EDEM3: variants seen among roughly 807,000 people sequenced by gnomAD.
EDEM3 encodes ER degradation-enhancing alpha-mannosidase-like protein 3.
A neutral mutation model predicts 110.2 loss-of-function variants in EDEM3; 60 were observed. The observed-to-expected ratio is 0.54, with a 90% CI of 0.44 to 0.67. The LOEUF (loss-of-function observed/expected upper bound fraction) is 0.67, where lower values mean the gene tolerates loss of function less well. Ranked by LOEUF, EDEM3 falls within the 30% of genes least tolerant of loss-of-function variation. The pLI, the probability that EDEM3 is intolerant of heterozygous loss-of-function variation, is 0.00. For synonymous variants in EDEM3, 352 were observed against 382.9 expected, an observed-to-expected ratio of 0.92 and a Z score of 0.94; for missense variants, 996 against 1,121.0, an observed-to-expected ratio of 0.89 and a Z score of 1.59.
intron 13 of EDEM3, among the ~76,000 whole-genome samples, chr1:184,715,637 C>A (rs1226448658): frequency 2.0e-5 from 3 of 152,152 alleles, no homozygotes. Context: ...TCCCTAACTT[C>A]TCTTTCCCTT....
rs780949026 is a variant in EDEM3 at position 184,710,567 on chromosome 1, G to A, written c.1692-20C>T. ...TCCTCTCTGCTAAAAGTAATTACAG[G>A]CAAGGCTTAAAAAACTATAAATTAG... On this transcript the variant is annotated intron_variant, in intron 15 of 19. Transcript: ENST00000318130. 3.2e-6 allele frequency: 5 copies of A among 1,571,948 alleles called. No homozygotes were observed. In the South Asian group the frequency reaches 4.8e-5, roughly 15 times the overall value.
At chr1:184,710,994 T>G (rs749504884) in intron 15 of EDEM3, among the ~76,000 whole-genome samples, 1 of 152,090 alleles carries the variant, frequency 6.6e-6, no homozygotes, top group Non-Finnish European at 1.5e-5. Flanking sequence ...AATGAACTCA[T>G]TAAGCCAATT....
chr1:184,754,835 C>T lies in EDEM3; in HGVS notation c.-189G>A. ...TCCCCAGCGCCAGCGCTGCCACCGC[C>T]CTCCGCCCTCAGTATCCCGGAGCGC... On this transcript the variant is annotated 5_prime_UTR_variant, in exon 1 of 20. Coordinates refer to ENST00000318130, the MANE Select transcript of EDEM3 (RefSeq NM_025191.4). 3 of 932,872 alleles carry T rather than the reference C, an allele frequency of 3.2e-6. No individual in the cohort carries two copies. The highest frequency in any genetic ancestry group is 3.5e-5 in the African/African-American group (2 of 56,622). 57.8% of individuals were successfully genotyped at this position (932,872 alleles called of 1,614,324 possible).
intron 2 of EDEM3, among the ~76,000 whole-genome samples, chr1:184,743,334 T>A (rs74132019): frequency 8.5e-5 from 13 of 152,262 alleles, no homozygotes; most frequent in African/African-American, 3.1e-4. Flanking sequence ...CTCTTCACAG[T>A]TTATTGTTGA....
intron 19 of EDEM3, among the ~76,000 whole-genome samples, chr1:184,702,418 A>G (rs1471214580): frequency 1.3e-5 from 2 of 152,198 alleles, no homozygotes; most frequent in Non-Finnish European, 2.9e-5. Flanking sequence ...ATGATATTGT[A>G]TACAACATTC....
Position 184,749,612 on chromosome 1 carries a change from A to G in EDEM3, c.159-20T>C. 6.9e-7 allele frequency: 1 copy of G among 1,446,850 alleles called. No individual in the cohort carries two copies. Among genetic ancestry groups the G allele is most frequent in the Non-Finnish European group, 9.3e-7 (1 of 1,079,138 alleles). The allele number at this position is 1,446,850 out of a possible 1,614,324, so 89.6% of individuals were successfully genotyped here. A position where few individuals can be genotyped will look rare whatever the true frequency, so the allele number is the denominator to read the frequency against. On this transcript the variant is annotated intron_variant, in intron 1 of 19. Coordinates refer to ENST00000318130, the MANE Select transcript of EDEM3 (RefSeq NM_025191.4). The stretch of plus-strand genomic sequence containing the variant: ...TGATTCCTAATTTTAAAAGAGCAGA[A>G]ATGGAAAAAAAAAAAAAAAAAGGTA...
intron 6 of EDEM3, among the ~76,000 whole-genome samples, chr1:184,729,898 A>G (rs12070920): frequency 1.3e-3 from 199 of 152,330 alleles, no homozygotes; most frequent in African/African-American, 4.6e-3. Flanking sequence ...TAACACCTCC[A>G]TTTATAACAA....
In EDEM3 at chr1:184,726,284, T is replaced by C. The variant is rs1384619210; in HGVS notation, c.718A>G (p.Ser240Gly). The C allele has an allele frequency of 6.2e-7, 1 of 1,613,862 alleles. No homozygotes were observed. Among genetic ancestry groups the C allele is most frequent in the South Asian group, 1.1e-5 (1 of 91,066 alleles). The change falls in exon 7 of 20, where the codon AGT becomes GGT. Residue 240 changes from serine (S) to glycine (G), a missense_variant. By Grantham distance (56) the Ser-to-Gly change is moderately conservative. Around this residue, in one of 5 missense-constraint regions of EDEM3, gnomAD observed 310 missense variants for 394.6 expected, o/e 0.79. Coordinates refer to ENST00000318130, the MANE Select transcript of EDEM3 (RefSeq NM_025191.4). ...GTLILEFAAL[S>G]RFTGATIFEE... is the part of the protein sequence containing the mutation. ...AATATTGTTGCTCCTGTGAATCGAC[T>C]TAAAGCAGCAAATTCAAGGATCAAG...
intron 6 of EDEM3, among the ~76,000 whole-genome samples, chr1:184,727,681 T>C (rs1651265477): frequency 6.6e-6 from 1 of 152,206 alleles, no homozygotes; most frequent in South Asian, 2.1e-4. Context: ...CTGTTAATGT[T>C]GTTCTCAGTA....
intron 6 of EDEM3, among the ~76,000 whole-genome samples, chr1:184,729,534 TA>T (rs1417555142): frequency 6.6e-6 from 1 of 152,186 alleles, no homozygotes; most frequent in Non-Finnish European, 1.5e-5. Context: ...TATATGAGTT[TA>T]AAAAATGACC....
At chr1:184,705,459 T>C (rs140376811) in intron 18 of EDEM3, among the ~76,000 whole-genome samples, 40 of 152,300 alleles carry the variant, frequency 2.6e-4, no homozygotes, top group African/African-American at 9.6e-4. Flanking sequence ...TCATAGACCA[T>C]ACACAAACAA....
intron 12 of EDEM3, among the ~76,000 whole-genome samples, 175 bp downstream of exon 12, chr1:184,717,365 T>C (rs1276082660): frequency 1.3e-5 from 2 of 152,052 alleles, no homozygotes; most frequent in East Asian, 3.8e-4. Context: ...ACCTTGCATG[T>C]CAATTCTTGC....
At chr1:184,742,433 C>T (rs1652196843) in intron 2 of EDEM3, among the ~76,000 whole-genome samples, 1 of 152,114 alleles carries the variant, frequency 6.6e-6, no homozygotes, top group African/African-American at 2.4e-5. Context: ...ACTCTTTCAC[C>T]CAGGCTGGAG....
intron 18 of EDEM3, among the ~76,000 whole-genome samples, chr1:184,705,855 C>A (rs180882560): frequency 1.3e-3 from 201 of 152,006 alleles, no homozygotes; most frequent in African/African-American, 4.7e-3. Context: ...ATAGTCATGG[C>A]CTGTTTATCA....
intron 11 of EDEM3, among the ~76,000 whole-genome samples, chr1:184,718,568 T>C (rs1378110146): frequency 2.0e-5 from 3 of 152,108 alleles, no homozygotes; most frequent in Non-Finnish European, 2.9e-5. Context: ...TACACACATT[T>C]GGAAATTTTT....
At chr1:184,741,891 C>T (rs955617878) in intron 2 of EDEM3, among the ~76,000 whole-genome samples, 6 of 152,130 alleles carry the variant, frequency 3.9e-5, no homozygotes, top group Non-Finnish European at 7.3e-5. Flanking sequence ...CAGTTCTATA[C>T]TCTTCTTGCA....
intron 5 of EDEM3, among the ~76,000 whole-genome samples, chr1:184,734,069 A>G (rs1356832887): frequency 6.6e-6 from 1 of 152,228 alleles, no homozygotes; most frequent in Non-Finnish European, 1.5e-5. Flanking sequence ...AGGTAATGCC[A>G]CAGACTCTGT....
chr1:184,720,098 T>G (rs1169379422), intron 9 of EDEM3, among the ~76,000 whole-genome samples: 2 of 152,236 alleles, frequency 1.3e-5, no homozygotes, highest in African/African-American at 4.8e-5. Context: ...TTCTTTTGTC[T>G]TCTTCTCCTA....
At chr1:184,713,118 T>TAG (rs1434265487) in intron 13 of EDEM3, among the ~76,000 whole-genome samples, 1 of 152,026 alleles carries the variant, frequency 6.6e-6, no homozygotes, top group Admixed American at 6.6e-5. Flanking sequence ...ATACAAAAAT[T>TAG]AGCCGGGTGT....
Sources: allele counts gnomAD v4.1 joint callset (sites outside exome capture counted in the v4.1 genomes callset), GRCh38; gene constraint gnomAD v4.1.1; regional missense constraint gnomAD v4.1.1; transcripts MANE v1.5; gene names NCBI Gene and HGNC (gene_info 2026-07-23, HGNC 2026-07-21).